DRG1: variants seen among roughly 807,000 people sequenced by gnomAD.
The protein encoded by DRG1 is developmentally regulated GTP binding protein 1, also known as developmentally-regulated GTP-binding protein 1.
A neutral mutation model predicts 38.8 loss-of-function variants in DRG1; 19 were observed. The ratio of observed to expected loss-of-function variants is 0.49; its 90% CI spans 0.34 to 0.72. The LOEUF (loss-of-function observed/expected upper bound fraction) is 0.72. DRG1 is among the 30% of genes least tolerant of loss of function. The pLI is 0.01. For synonymous variants in DRG1, 167 were observed against 157.5 expected (o/e 1.06, Z -0.45); for missense variants, 299 against 444.8 (o/e 0.67, Z 2.95).
rs1271398393 is a variant in DRG1 at position 31,402,822 on chromosome 22, G to GT, written c.167-200dup. ...ACTGTGCCTGACTTTTTTGAATACA[G>GT]TTTTTTTATATCAAACACTGCATTG... On this transcript the variant is annotated intron_variant, in intron 2 of 8. Coordinates refer to ENST00000331457, the MANE Select transcript of DRG1 (RefSeq NM_004147.4). Among the ~76,000 whole-genome samples, 11 of 152,136 alleles carry GT rather than the reference G, an allele frequency of 7.2e-5. No homozygotes were observed. In the South Asian group the frequency reaches 8.3e-4, roughly 11 times the overall value.
At chr22:31,433,363 CG>C (rs1400861022) in intron 8 of DRG1, among the ~76,000 whole-genome samples, 3 of 151,652 alleles carry the variant, frequency 2.0e-5, no homozygotes, top group African/African-American at 7.3e-5. Context: ...CTCCGCCTCC[CG>C]GGTTCAAGCC....
intron 4 of DRG1, among the ~76,000 whole-genome samples, chr22:31,419,460 G>T (rs2050063729): frequency 6.6e-6 from 1 of 151,706 alleles, no homozygotes; most frequent in African/African-American, 2.4e-5. Context: ...AAAGTGCTAG[G>T]ATTACAGGCA....
chr22:31,434,131 G>T lies in DRG1; in HGVS notation c.*160G>T. On this transcript the variant is annotated 3_prime_UTR_variant, in exon 9 of 9. Coordinates refer to ENST00000331457, the MANE Select transcript of DRG1 (RefSeq NM_004147.4). ...GGAACTTCATTTGTCTTACCTTGGT[G>T]TCACCTTGTATGTCGAACTGCATAA... 1.6e-6 allele frequency: 1 copy of T among 614,638 alleles called. No individual in the cohort carries two copies. Among genetic ancestry groups the T allele is most frequent in the Non-Finnish European group, 2.9e-6 (1 of 344,922 alleles). 38.1% of individuals were successfully genotyped at this position (614,638 alleles called of 1,614,324 possible).
At chr22:31,400,556 TC>T in intron 1 of DRG1, 63 bp from the exon 2 acceptor site, 1 of 1,583,646 alleles carries the variant, frequency 6.3e-7, no homozygotes, top group South Asian at 1.1e-5. Context: ...AAAAAAATTA[TC>T]CTCTCAAAGC....
rs181315466 is a variant in DRG1 at position 31,399,659 on chromosome 22, T to G, written c.-25T>G. ...CGCGGGTGTGTGAAGGGAGACAGTGTGGAGGCCACAGGGTACTCGCCACGA... is the reference window on the plus strand; with the variant it reads ...CGCGGGTGTGTGAAGGGAGACAGTGGGGAGGCCACAGGGTACTCGCCACGA... On this transcript the variant is annotated 5_prime_UTR_variant, in exon 1 of 9. Transcript: ENST00000331457. 2,707 of 1,613,994 alleles carry G rather than the reference T, an allele frequency of 1.7e-3. 5 individuals carry two copies. The highest frequency in any genetic ancestry group is 2.0e-3 in the Non-Finnish European group (2,380 of 1,179,874).
At chr22:31,399,877 C>T in intron 1 of DRG1, 152 bp downstream of exon 1, 2 of 1,098,618 alleles carry the variant, frequency 1.8e-6, no homozygotes, top group Non-Finnish European at 2.7e-6. Flanking sequence ...CCCTCTGCCA[C>T]GATTAGGAGT....
At chr22:31,407,555 T>G (rs695708) in intron 3 of DRG1, among the ~76,000 whole-genome samples, 1 of 151,982 alleles carries the variant, frequency 6.6e-6, no homozygotes, top group African/African-American at 2.4e-5. Flanking sequence ...AGGCTGGTCT[T>G]GAACTCCTGC....
chr22:31,420,876 C>T (rs914457233), intron 5 of DRG1, among the ~76,000 whole-genome samples: 1 of 151,966 alleles, frequency 6.6e-6, no homozygotes, highest in Non-Finnish European at 1.5e-5. Flanking sequence ...ATAATGTATT[C>T]GTCAATGATA....
rs182889123 is a variant in DRG1 at position 31,412,558 on chromosome 22, C to A, written c.412+1477C>A. 1.6e-4 allele frequency among the ~76,000 whole-genome samples: 25 copies of A among 151,780 alleles called. No homozygotes were observed. The East Asian group carries it at 4.7e-3, about 29-fold the overall frequency. On this transcript the variant is annotated intron_variant, in intron 4 of 8. Coordinates refer to ENST00000331457, the MANE Select transcript of DRG1 (RefSeq NM_004147.4). ...TAAAGATGGGGTTTCATCGTGTTAGCCAGGATGGTCTCGATCTCCTGACCT... is the reference window on the plus strand; with the variant it reads ...TAAAGATGGGGTTTCATCGTGTTAGACAGGATGGTCTCGATCTCCTGACCT...
At chr22:31,419,496 A>T (rs2050063921) in intron 4 of DRG1, among the ~76,000 whole-genome samples, 1 of 152,020 alleles carries the variant, frequency 6.6e-6, no homozygotes, top group Non-Finnish European at 1.5e-5. Context: ...GGCCAAAATA[A>T]TATATTTTAT....
At chr22:31,433,804 C>CA (rs2145874356) in intron 8 of DRG1, 68 bp from the exon 9 acceptor site, 1 of 1,405,956 alleles carries the variant, frequency 7.1e-7, no homozygotes, top group East Asian at 2.3e-5. Flanking sequence ...AGAAGGGTGG[C>CA]ATCCAGGCAA....
Position 31,420,282 on chromosome 22 carries a change from A to T in DRG1, c.439A>T (p.Ile147Phe). Residue 147 changes from isoleucine to phenylalanine, a missense_variant, in exon 5 of 9, where the codon ATT becomes TTT. Coordinates refer to ENST00000331457, the MANE Select transcript of DRG1 (RefSeq NM_004147.4). ...AVARTCNLIL[I>F]VLDVLKPLGH... ...GGCCCGAACCTGTAACTTGATCTTG[A>T]TTGTTCTGGATGTCCTGAAACCTTT... 1 of 1,613,994 alleles carries T rather than the reference A, an allele frequency of 6.2e-7. No individual in the cohort carries two copies. The highest frequency in any genetic ancestry group is 8.5e-7 in the Non-Finnish European group (1 of 1,179,988).
At chr22:31,404,090 T>A (rs1181250721) in intron 3 of DRG1, among the ~76,000 whole-genome samples, 3 of 149,386 alleles carry the variant, frequency 2.0e-5, no homozygotes, top group Non-Finnish European at 4.4e-5. Context: ...CAGAAAACCT[T>A]CACTCATTTC....
intron 3 of DRG1, among the ~76,000 whole-genome samples, chr22:31,406,891 C>T (rs1601525421): frequency 6.6e-6 from 1 of 152,256 alleles, no homozygotes; most frequent in Admixed American, 6.5e-5. Flanking sequence ...TATCTAGGAT[C>T]ATCCCATGAT....
chr22:31,420,444 A>G lies in DRG1; in HGVS notation c.582+19A>G, dbSNP rs199993249. On this transcript the variant is annotated intron_variant, in intron 5 of 8. Coordinates refer to ENST00000331457, the MANE Select transcript of DRG1 (RefSeq NM_004147.4). ...AGCCACTGTAAGTGGGGAATATGAC[A>G]TGGGGCAGGCTGCTGCAGGAATTGG... 308 of 1,613,942 alleles carry G rather than the reference A, an allele frequency of 1.9e-4. No homozygotes were observed. In the East Asian group the frequency reaches 4.5e-3, roughly 24 times the overall value.
intron 8 of DRG1, among the ~76,000 whole-genome samples, chr22:31,432,963 G>A (rs1235650798): frequency 6.6e-6 from 1 of 152,036 alleles, no homozygotes; most frequent in African/African-American, 2.4e-5. Flanking sequence ...TGTGAGGCAG[G>A]TCTCGGTGTC....
chr22:31,427,764 G>A (rs2050118959), intron 8 of DRG1, among the ~76,000 whole-genome samples: 1 of 151,878 alleles, frequency 6.6e-6, no homozygotes. Context: ...AGACAGTCTC[G>A]CTTTTGTTGC....
intron 8 of DRG1, among the ~76,000 whole-genome samples, chr22:31,428,243 G>A (rs2050121483): frequency 6.7e-6 from 1 of 149,900 alleles, no homozygotes; most frequent in Admixed American, 6.7e-5. Flanking sequence ...ACGGAGTCTC[G>A]CTGTGTCGCC....
In DRG1 at chr22:31,400,611, C is replaced by G. The variant is rs1173805408; in HGVS notation, c.43-9C>G. 1 of 1,611,146 alleles carries G rather than the reference C, an allele frequency of 6.2e-7. No individual in the cohort carries two copies. The highest frequency in any genetic ancestry group is 1.3e-5 in the African/African-American group (1 of 74,794). ...CTTCTAATTTATGGCTGTGATTCCT[C>G]CCTTTTAGATGGCTCGGACTCAAAA... On this transcript the variant is annotated splice_polypyrimidine_tract_variant and intron_variant, in intron 1 of 8. Transcript: ENST00000331457.
Sources: allele counts gnomAD v4.1 joint callset (sites outside exome capture counted in the v4.1 genomes callset), GRCh38; gene constraint gnomAD v4.1.1; transcripts MANE v1.5; gene names NCBI Gene and HGNC (gene_info 2026-07-23, HGNC 2026-07-21).